Variants in ZGPAT observed in about 807,000 individuals in gnomAD.
ZGPAT encodes the protein zinc finger CCCH-type and G-patch domain containing.
In ZGPAT, 39 loss-of-function variants were observed where a neutral mutation model predicts 47.9. That is an observed-to-expected ratio of 0.81 (90% CI 0.63 to 1.06). The LOEUF is 1.06. Ranked by LOEUF, ZGPAT falls within the 50% of genes least tolerant of loss-of-function variation. ZGPAT has a pLI of 0.00. For missense variants in ZGPAT, 717 were observed against 681.4 expected (o/e 1.05, Z -0.58); for synonymous variants, 348 against 292.9 (o/e 1.19, Z -1.92).
chr20:63,732,403 T>G (rs1276492002), intron 2 of ZGPAT, among the ~76,000 whole-genome samples: 1 of 112,142 alleles, frequency 8.9e-6, no homozygotes, highest in Non-Finnish European at 2.0e-5. Context: ...TGAGGGCCTG[T>G]GTGTGCGTGT....
intron 2 of ZGPAT, among the ~76,000 whole-genome samples, chr20:63,732,073 T>C (rs1280685193): frequency 6.6e-6 from 1 of 151,700 alleles, no homozygotes; most frequent in Non-Finnish European, 1.5e-5. Context: ...TGTGTGTATA[T>C]GCATGCCATG....
chr20:63,713,830 C>G (rs533254525), intron 2 of ZGPAT, among the ~76,000 whole-genome samples: 1 of 147,652 alleles, frequency 6.8e-6, no homozygotes, highest in African/African-American at 2.5e-5. Context: ...GAGATCGCGC[C>G]ATTGCACTCC....
At chr20:63,725,263 C>T (rs1035745142) in intron 2 of ZGPAT, among the ~76,000 whole-genome samples, 7 of 152,332 alleles carry the variant, frequency 4.6e-5, no homozygotes, top group African/African-American at 1.2e-4. Flanking sequence ...GGATTACAGG[C>T]GTGAGCCACC....
chr20:63,720,333 T>C (rs751362194), intron 2 of ZGPAT, among the ~76,000 whole-genome samples: 31 of 152,036 alleles, frequency 2.0e-4, no homozygotes, highest in Non-Finnish European at 3.7e-4. Context: ...TTTTTTGTAT[T>C]TTCAGTAGAG....
chr20:63,711,980 T>C (rs1032634597), intron 2 of ZGPAT, among the ~76,000 whole-genome samples: 3 of 152,262 alleles, frequency 2.0e-5, no homozygotes, highest in African/African-American at 7.2e-5. Flanking sequence ...TCACTTGATA[T>C]AGTGTCCTTT....
chr20:63,733,923 AG>A, intron 4 of ZGPAT, 184 bp downstream of exon 4: 1 of 728,742 alleles, frequency 1.4e-6, no homozygotes, highest in South Asian at 1.9e-5. Flanking sequence ...TTTATCTTCA[AG>A]GAGTGTGGGT....
At chr20:63,717,565 A>ATTGTTTTTTG (rs145835311) in intron 2 of ZGPAT, among the ~76,000 whole-genome samples, 29,361 of 151,198 alleles carry the variant, frequency 0.19, 3,791 homozygotes, top group East Asian at 0.61. Flanking sequence ...ATTCCATAAG[A>ATTGTTTTTTG]TTGTTTTTTG....
At chr20:63,733,041 TGTGTGTATGTGTGC>T (rs1475370149) in intron 2 of ZGPAT, among the ~76,000 whole-genome samples, 164 bp from the exon 3 acceptor site, 26 of 145,358 alleles carry the variant, frequency 1.8e-4, no homozygotes, top group East Asian at 5.8e-4. Flanking sequence ...TGTGCATGTG[TGTGTGTATGTGTGC>T]GTGTGTATGT....
In ZGPAT at chr20:63,735,802, GC is replaced by G; in HGVS notation, c.1420del (p.Leu474CysfsTer35). 1 of 1,609,756 alleles carries G rather than the reference GC, an allele frequency of 6.2e-7. No homozygotes were observed. Among genetic ancestry groups the G allele is most frequent in the East Asian group, 2.2e-5 (1 of 44,724 alleles). On this transcript the variant is annotated frameshift_variant, in exon 7 of 7. Coordinates refer to ENST00000355969, the MANE Select transcript of ZGPAT (RefSeq NM_181485.3). LOFTEE classifies it high-confidence loss of function. ...AGRHSVASAQLQEKLAGAQRQ... is the reference protein window; with the variant it reads ...AGRHSVASAQXQEKLAGAQRQ... ...GCAGGCATAGCGTGGCGTCAGCCCA[GC>G]TGCAGGAGAAGCTGGCAGGAGCCCA...
chr20:63,715,214 G>A (rs2091714025), intron 2 of ZGPAT, among the ~76,000 whole-genome samples: 1 of 151,382 alleles, frequency 6.6e-6, no homozygotes, highest in Non-Finnish European at 1.5e-5. Flanking sequence ...TTATAGGCAT[G>A]AGCCACTTGG....
At position 63,735,459 on chromosome 20, in the gene ZGPAT, C is replaced by T; in HGVS notation, c.1292C>T (p.Ala431Val). Residue 431 changes from alanine (A) to valine (V), a missense_variant, in exon 6 of 7, where the codon GCC becomes GTC. By Grantham distance (64) the Ala-to-Val change is moderately conservative. Coordinates refer to ENST00000355969, the MANE Select transcript of ZGPAT (RefSeq NM_181485.3). ...GACATGTACCATGCCAGCAAGAGTG[C>T]CAAGCGGGCCCTGAGCCTGCGGCTC... ...SKDMYHASKSAKRALSLRLFQ... is the reference protein window; with the variant it reads ...SKDMYHASKSVKRALSLRLFQ... 2 of 1,564,206 alleles carry T rather than the reference C, an allele frequency of 1.3e-6. No homozygotes were observed. Among genetic ancestry groups the T allele is most frequent in the Non-Finnish European group, 1.7e-6 (2 of 1,159,314 alleles).
chr20:63,712,393 T>C lies in ZGPAT; in HGVS notation c.584+3229T>C, dbSNP rs111555015. ...CAGTACCACACTGTTCTGATTATTA[T>C]AGCTTTGTGATAAGTTTTAAACTCA... On this transcript the variant is annotated intron_variant, in intron 2 of 6. Coordinates refer to ENST00000355969, the MANE Select transcript of ZGPAT (RefSeq NM_181485.3). Among the ~76,000 whole-genome samples the C allele has an allele frequency of 7.1e-3, 1,076 of 152,370 alleles. 10 individuals are homozygous for C. The highest frequency in any genetic ancestry group is 0.023 in the African/African-American group (959 of 41,588).
At chr20:63,731,819 A>G (rs1277345649) in intron 2 of ZGPAT, among the ~76,000 whole-genome samples, 1 of 152,212 alleles carries the variant, frequency 6.6e-6, no homozygotes, top group African/African-American at 2.4e-5. Flanking sequence ...TAATTGGGGA[A>G]GAAAAGGATG....
Position 63,735,979 on chromosome 20 carries a change from A to G in ZGPAT, c.*60A>G, listed in dbSNP as rs1187098053. 1.3e-6 allele frequency: 2 copies of G among 1,567,392 alleles called. No individual in the cohort carries two copies. Among genetic ancestry groups the G allele is most frequent in the Non-Finnish European group, 8.7e-7 (1 of 1,153,562 alleles). ...CCCAGCACGGGCTGCCCTCAGGAAGACCAGTGTTGCCCGAGGAGGGGCCGG... is the reference window on the plus strand; with the variant it reads ...CCCAGCACGGGCTGCCCTCAGGAAGGCCAGTGTTGCCCGAGGAGGGGCCGG... On this transcript the variant is annotated 3_prime_UTR_variant, in exon 7 of 7. Transcript: ENST00000355969.
chr20:63,724,087 T>TAA, intron 2 of ZGPAT, among the ~76,000 whole-genome samples: 1 of 151,938 alleles, frequency 6.6e-6, no homozygotes, highest in Non-Finnish European at 1.5e-5. Context: ...GTAAAGGGAC[T>TAA]AGGAATGGTG....
At chr20:63,721,378 A>C in intron 2 of ZGPAT, among the ~76,000 whole-genome samples, 1 of 151,790 alleles carries the variant, frequency 6.6e-6, no homozygotes. Context: ...AAAAAGGATA[A>C]AGAGTGTCTT....
At chr20:63,725,120 G>A (rs1406829465) in intron 2 of ZGPAT, among the ~76,000 whole-genome samples, 1 of 151,928 alleles carries the variant, frequency 6.6e-6, no homozygotes, top group East Asian at 1.9e-4. Flanking sequence ...GAGTAGCTGG[G>A]ATTACAGGCG....
At position 63,721,356 on chromosome 20, in the gene ZGPAT, A is replaced by T. The variant is rs550371565; in HGVS notation, c.585-11863A>T. 1.2e-3 allele frequency among the ~76,000 whole-genome samples: 105 copies of T among 88,624 alleles called. 1 individual carries two copies. Among genetic ancestry groups the T allele is most frequent in the African/African-American group, 2.9e-3 (91 of 31,242 alleles). 58.1% of individuals were successfully genotyped at this position (88,624 alleles called of 152,430 possible). ...AACAGAGCGAGACTCTGTCTCAAATAAAAAAAAAAAAAAAAAGGATAAAGA... is the reference window on the plus strand; with the variant it reads ...AACAGAGCGAGACTCTGTCTCAAATTAAAAAAAAAAAAAAAAGGATAAAGA... On this transcript the variant is annotated intron_variant, in intron 2 of 6. Coordinates refer to ENST00000355969, the MANE Select transcript of ZGPAT (RefSeq NM_181485.3).
At chr20:63,725,985 G>A (rs927658148) in intron 2 of ZGPAT, among the ~76,000 whole-genome samples, 1 of 151,334 alleles carries the variant, frequency 6.6e-6, no homozygotes, top group Admixed American at 6.6e-5. Context: ...ACCGGAGTGT[G>A]CCACCACCAT....
Sources: gnomAD v4.1 joint callset for allele counts (sites outside exome capture counted in the v4.1 genomes callset) on GRCh38, gnomAD v4.1.1 for gene constraint, MANE v1.5 for transcripts, NCBI Gene and HGNC (gene_info 2026-07-23, HGNC 2026-07-21) for gene names.